The following PARP14 variants were observed in gnomAD, a reference collection of about 807,000 sequenced individuals.
The protein encoded by PARP14 is poly(ADP-ribose) polymerase family member 14, also known as protein mono-ADP-ribosyltransferase PARP14.
In PARP14, 59 loss-of-function variants were observed where a neutral mutation model predicts 154.2. The ratio of observed to expected loss-of-function variants is 0.38; its 90% CI spans 0.31 to 0.48. The LOEUF is 0.48. Among genes scored for constraint, PARP14 ranks in the 20% least tolerant of loss-of-function variants. PARP14 has a pLI of 0.98. For missense variants in PARP14, 1,734 were observed against 2,131.6 expected, an observed-to-expected ratio of 0.81 and a Z score of 3.67; for synonymous variants, 720 against 780.5, an observed-to-expected ratio of 0.92 and a Z score of 1.29.
At chr3:122,689,876 C>A (rs1180427558) in intron 3 of PARP14, among the ~76,000 whole-genome samples, 1 of 152,206 alleles carries the variant, frequency 6.6e-6, no homozygotes, top group East Asian at 1.9e-4. Context: ...GCCTCATTTT[C>A]TTCATTCTGC....
chr3:122,685,350 T>C (rs1420085088), intron 2 of PARP14, 32 bp downstream of exon 2: 2 of 1,603,752 alleles, frequency 1.2e-6, no homozygotes, highest in African/African-American at 2.7e-5. Context: ...ATAAAAGGGA[T>C]TTAGGTCTCC....
chr3:122,695,954 G>A (rs1445161793), intron 5 of PARP14, among the ~76,000 whole-genome samples: 1 of 152,124 alleles, frequency 6.6e-6, no homozygotes, highest in Non-Finnish European at 1.5e-5. Context: ...TATTAAAAAG[G>A]AGATGATCTG....
intron 2 of PARP14, chr3:122,686,715 C>T: frequency 5.3e-6 from 1 of 188,790 alleles, no homozygotes; most frequent in Non-Finnish European, 1.1e-5. Context: ...GATCCTCCCA[C>T]ACTGGCCTCC....
chr3:122,681,352 C>G lies in PARP14; in HGVS notation c.187+282C>G, dbSNP rs1371137073. Among the ~76,000 whole-genome samples the G allele has an allele frequency of 6.6e-6, 1 of 152,250 alleles. No individual in the cohort carries two copies. Among genetic ancestry groups the G allele is most frequent in the South Asian group, 2.1e-4 (1 of 4,832 alleles). On this transcript the variant is annotated intron_variant, in intron 1 of 16. Coordinates refer to ENST00000474629, the MANE Select transcript of PARP14 (RefSeq NM_017554.3). The surrounding 1 kb of genome is among the most constrained non-coding windows in gnomAD (Gnocchi z 5.5). ...TCTTTATCCCTCGATCGTTTTCTGTCTTTCCCTGTTGTGGTGGTGTTATTG... is the reference window on the plus strand; with the variant it reads ...TCTTTATCCCTCGATCGTTTTCTGTGTTTCCCTGTTGTGGTGGTGTTATTG...
At position 122,704,747 on chromosome 3, in the gene PARP14, A is replaced by G. The variant is rs1939097604; in HGVS notation, c.3539A>G (p.Gln1180Arg). 2 of 1,558,908 alleles carry G rather than the reference A, an allele frequency of 1.3e-6. No individual in the cohort carries two copies. The highest frequency in any genetic ancestry group is 1.8e-6 in the Non-Finnish European group (2 of 1,139,576). Residue 1180 changes from glutamine to arginine, a missense_variant and splice_region_variant, in exon 8 of 17, where the codon CAG becomes CGG. Transcript: ENST00000474629. ...CACCCGAGTGATCATGAAAATATTC[A>G]GGTACAGTGCCACTAATTTCTGATT... is the stretch of plus-strand genomic sequence containing the variant. Reference protein sequence around the residue: ...LLHPSDHENIQAFSDEFARRA... With the variant: ...LLHPSDHENIRAFSDEFARRA...
At chr3:122,717,971 T>TGGGC in intron 12 of PARP14, 100 bp from the exon 13 acceptor site, 1 of 815,690 alleles carries the variant, frequency 1.2e-6, no homozygotes, top group Non-Finnish European at 2.0e-6. Context: ...AATTGAGGAG[T>TGGGC]GGGCATTTAT....
chr3:122,698,253 G>A (rs1938843027), intron 5 of PARP14, among the ~76,000 whole-genome samples: 1 of 152,184 alleles, frequency 6.6e-6, no homozygotes, highest in Non-Finnish European at 1.5e-5. Flanking sequence ...CATACACAAG[G>A]TGAAGTTATT....
At chr3:122,709,224 G>C (rs1283527479) in intron 9 of PARP14, among the ~76,000 whole-genome samples, 1 of 151,308 alleles carries the variant, frequency 6.6e-6, no homozygotes, top group Non-Finnish European at 1.5e-5. Flanking sequence ...TCCCCCTGGA[G>C]TCCCCAAATT....
At chr3:122,691,655 C>T (rs778867880) in intron 3 of PARP14, among the ~76,000 whole-genome samples, 11 of 152,168 alleles carry the variant, frequency 7.2e-5, no homozygotes, top group Non-Finnish European at 1.6e-4. Context: ...CAAACATTTA[C>T]TGAGCCTCAA....
chr3:122,681,840 C>T lies in PARP14; in HGVS notation c.187+770C>T, dbSNP rs1013857293. ...AGAGGTGATCTGCTGGCTCAAGGGC[C>T]TCCCTGGTCTGCAATGGGAAGCCAG... On this transcript the variant is annotated intron_variant, in intron 1 of 16. Coordinates refer to ENST00000474629, the MANE Select transcript of PARP14 (RefSeq NM_017554.3). The surrounding 1 kb of genome is among the most constrained non-coding windows in gnomAD (Gnocchi z 5.5). Among the ~76,000 whole-genome samples the T allele has an allele frequency of 2.0e-5, 3 of 152,188 alleles. No homozygotes were observed. Among genetic ancestry groups the T allele is most frequent in the African/African-American group, 7.2e-5 (3 of 41,440 alleles).
chr3:122,713,501 T>C lies in PARP14; in HGVS notation c.3697T>C (p.Ser1233Pro). The C allele has an allele frequency of 6.2e-7, 1 of 1,612,562 alleles. No homozygotes were observed. Among genetic ancestry groups the C allele is most frequent in the Admixed American group, 1.7e-5 (1 of 60,006 alleles). The change falls in exon 10 of 17, where the codon TCT becomes CCT. Residue 1233 changes from serine (S) to proline (P), a missense_variant. Ser to Pro is a moderately conservative substitution (Grantham distance 74). This residue lies in a region of PARP14 where 1,646 missense variants were observed against 1,976.0 expected (regional missense o/e 0.83). Coordinates refer to ENST00000474629, the MANE Select transcript of PARP14 (RefSeq NM_017554.3). ...TGGCTCCATCATCTTCCAGGTGGCT[T>C]CTGGAGATATCACGAAAGAAGAGGC... The part of the protein sequence containing the change: ...KIGSIIFQVA[S>P]GDITKEEADV...
chr3:122,699,649 CA>C lies in PARP14; in HGVS notation c.1096del (p.Ile366SerfsTer7). 1 of 1,613,986 alleles carries C rather than the reference CA, an allele frequency of 6.2e-7. No individual in the cohort carries two copies. Among genetic ancestry groups the C allele is most frequent in the Non-Finnish European group, 8.5e-7 (1 of 1,179,882 alleles). ...GGTCCCAACTCAGTGGTAAAGTTAC[CA>C]TCAGACCAGCAGCCACCTTAGTCAA... is the stretch of plus-strand genomic sequence containing the variant. ...TWSQLSGKVT[I>X]RPAATLVNEG... On this transcript the variant is annotated frameshift_variant, in exon 6 of 17. Transcript: ENST00000474629. LOFTEE classifies it high-confidence loss of function.
Position 122,700,129 on chromosome 3 carries a change from G to C in PARP14, c.1575G>C (p.Gln525His). 1 of 1,613,702 alleles carries C rather than the reference G, an allele frequency of 6.2e-7. No homozygotes were observed. Among genetic ancestry groups the C allele is most frequent in the Non-Finnish European group, 8.5e-7 (1 of 1,179,744 alleles). ...ADVYKAKCEI[Q>H]EKVYTMAQKN... ...TGTATAAAGCAAAGTGTGAAATCCA[G>C]GAAAAGGTGTACACCATGGCTCAGA... Residue 525 changes from glutamine (Q) to histidine (H), a missense_variant, in exon 6 of 17, where the codon CAG (glutamine) becomes CAC (histidine). Around this residue, in one of 2 missense-constraint regions of PARP14, gnomAD observed 1,646 missense variants for 1,976.0 expected, o/e 0.83. Transcript: ENST00000474629.
intron 4 of PARP14, among the ~76,000 whole-genome samples, 177 bp from the exon 5 acceptor site, chr3:122,695,249 A>G (rs1332261108): frequency 6.6e-6 from 1 of 152,260 alleles, no homozygotes; most frequent in Non-Finnish European, 1.5e-5. Flanking sequence ...TGTGTCGCCC[A>G]GCGACTGGGA....
At chr3:122,696,982 C>G (rs1391546194) in intron 5 of PARP14, among the ~76,000 whole-genome samples, 1 of 152,120 alleles carries the variant, frequency 6.6e-6, no homozygotes, top group Non-Finnish European at 1.5e-5. Flanking sequence ...GAGACAGGGT[C>G]TCACTGTCTC....
In PARP14 at chr3:122,718,022, C is replaced by T. The variant is rs779622833; in HGVS notation, c.4001-49C>T. 9 of 1,426,668 alleles carry T rather than the reference C, an allele frequency of 6.3e-6. No homozygotes were observed. The South Asian group carries it at 9.3e-5, about 15-fold the overall frequency. 88.4% of individuals were successfully genotyped at this position (1,426,668 alleles called of 1,614,324 possible). A position where few individuals can be genotyped will look rare whatever the true frequency, so the allele number is the denominator to read the frequency against. On this transcript the variant is annotated intron_variant, in intron 12 of 16. Transcript: ENST00000474629. ...AACCCTAATTTATTCCTCAGCCTTC[C>T]ACTTGGGGCTTTTTTGTCCTTCAGC... is the stretch of plus-strand genomic sequence containing the variant.
intron 8 of PARP14, among the ~76,000 whole-genome samples, chr3:122,707,322 A>C (rs936155917): frequency 2.0e-5 from 3 of 151,842 alleles, no homozygotes; most frequent in African/African-American, 7.3e-5. Flanking sequence ...CGGAGTTTGC[A>C]ATGAACCAAG....
chr3:122,714,778 TC>T (rs1440016791), intron 12 of PARP14, among the ~76,000 whole-genome samples: 1 of 152,180 alleles, frequency 6.6e-6, no homozygotes, highest in Non-Finnish European at 1.5e-5. Flanking sequence ...CCCTACATAT[TC>T]TCCATTATGC....
rs1938291207 is a variant in PARP14 at position 122,683,907 on chromosome 3, T to A, written c.188-1278T>A. Reference sequence around the variant, plus strand: ...ACTTGACTTACAAAATTTAGCTTGTTGTCAGGCTGCAGGGGTCCTATCCAG... The same window carrying A: ...ACTTGACTTACAAAATTTAGCTTGTAGTCAGGCTGCAGGGGTCCTATCCAG... On this transcript the variant is annotated intron_variant, in intron 1 of 16. Transcript: ENST00000474629. Among the ~76,000 whole-genome samples, 3 of 152,218 alleles carry A rather than the reference T, an allele frequency of 2.0e-5. No individual in the cohort carries two copies. The South Asian group carries it at 6.2e-4, about 32-fold the overall frequency.
Sources: allele counts gnomAD v4.1 joint callset (sites outside exome capture counted in the v4.1 genomes callset), GRCh38; gene constraint gnomAD v4.1.1; regional missense constraint gnomAD v4.1.1; non-coding constraint Gnocchi (gnomAD v3.1); transcripts MANE v1.5; gene names NCBI Gene and HGNC (gene_info 2026-07-23, HGNC 2026-07-21).